DOCK9: variants seen among roughly 807,000 people sequenced by gnomAD.
DOCK9 encodes dedicator of cytokinesis 9.
A neutral mutation model predicts 263.3 loss-of-function variants in DOCK9; 89 were observed. That is an observed-to-expected ratio of 0.34 (90% CI 0.28 to 0.40). The LOEUF (loss-of-function observed/expected upper bound fraction) is 0.40, where lower values mean the gene tolerates loss of function less well. Ranked by LOEUF, DOCK9 falls within the 10% of genes least tolerant of loss-of-function variation. The pLI is 1.00. For missense variants in DOCK9, 2,140 were observed against 2,603.4 expected, an observed-to-expected ratio of 0.82 and a Z score of 3.87; for synonymous variants, 976 against 973.1, an observed-to-expected ratio of 1.00 and a Z score of -0.06.
intron 7 of DOCK9, among the ~76,000 whole-genome samples, chr13:98,918,963 G>A (rs1316367949): frequency 6.6e-6 from 1 of 152,158 alleles, no homozygotes; most frequent in Non-Finnish European, 1.5e-5. Context: ...ACCAGCACAG[G>A]AAATCATGCA....
intron 7 of DOCK9, among the ~76,000 whole-genome samples, chr13:98,919,625 G>A (rs778315640): frequency 6.6e-6 from 1 of 152,212 alleles, no homozygotes; most frequent in Non-Finnish European, 1.5e-5. Context: ...TCTTTTGTGA[G>A]GGGTTGTTAG....
At chr13:98,992,901 AG>A (rs1169204710) in intron 1 of DOCK9, among the ~76,000 whole-genome samples, 1 of 152,240 alleles carries the variant, frequency 6.6e-6, no homozygotes, top group Non-Finnish European at 1.5e-5. Flanking sequence ...GTTCTGAAGC[AG>A]TGAAGAGAGT....
chr13:98,849,028 T>G (rs1288965379), intron 36 of DOCK9, among the ~76,000 whole-genome samples: 2 of 152,216 alleles, frequency 1.3e-5, no homozygotes, highest in Non-Finnish European at 2.9e-5. Flanking sequence ...CATTTACATC[T>G]ATATAAGGAG....
chr13:99,015,466 A>G, intron 1 of DOCK9: 1 of 1,595,918 alleles, frequency 6.3e-7, no homozygotes. Context: ...GGAGATCAAT[A>G]GTTCTGAATC....
chr13:98,998,497 T>C (rs1215018431), intron 1 of DOCK9, among the ~76,000 whole-genome samples: 1 of 152,004 alleles, frequency 6.6e-6, no homozygotes, highest in East Asian at 1.9e-4. Flanking sequence ...CCGGGCAGAG[T>C]CTCACACCAA....
At chr13:98,973,339 G>T (rs1268033438) in intron 1 of DOCK9, among the ~76,000 whole-genome samples, 1 of 152,122 alleles carries the variant, frequency 6.6e-6, no homozygotes, top group Non-Finnish European at 1.5e-5. Flanking sequence ...GAACTTCAGG[G>T]ATAGGAAAGA....
At chr13:99,067,886 T>A (rs911844188) in intron 1 of DOCK9, among the ~76,000 whole-genome samples, 9 of 150,700 alleles carry the variant, frequency 6.0e-5, no homozygotes, top group South Asian at 2.1e-4. Flanking sequence ...TTTTTTTTTT[T>A]AAATGTCTAA....
chr13:98,924,972 C>T (rs2140156668), intron 4 of DOCK9, among the ~76,000 whole-genome samples: 1 of 152,074 alleles, frequency 6.6e-6, no homozygotes, highest in Admixed American at 6.5e-5. Context: ...CGAGACCAGC[C>T]TGGCCAACAC....
In DOCK9 at chr13:98,882,627, T is replaced by C. The variant is rs573910143; in HGVS notation, c.2559+415A>G. On this transcript the variant is annotated intron_variant, in intron 23 of 52. Transcript: ENST00000682017. ...TTGCACAAAGCTGGGACTGGTTCTGTGCATTATTTCTTTATTTGATTTGTC... is the reference window on the plus strand; with the variant it reads ...TTGCACAAAGCTGGGACTGGTTCTGCGCATTATTTCTTTATTTGATTTGTC... Among the ~76,000 whole-genome samples the C allele has an allele frequency of 1.1e-3, 131 of 115,780 alleles. 1 individual carries two copies. The highest frequency in any genetic ancestry group is 3.5e-3 in the African/African-American group (122 of 34,834). 76.0% of individuals were successfully genotyped at this position (115,780 alleles called of 152,430 possible). A position where few individuals can be genotyped will look rare whatever the true frequency, so the allele number is the denominator to read the frequency against.
At chr13:99,050,939 C>T (rs779003091) in intron 1 of DOCK9, among the ~76,000 whole-genome samples, 91 of 152,282 alleles carry the variant, frequency 6.0e-4, no homozygotes, top group Admixed American at 1.0e-3. Flanking sequence ...GCTGCCAGGA[C>T]GTAAGGCCAA....
chr13:98,828,941 G>A (rs2092653308), intron 43 of DOCK9, among the ~76,000 whole-genome samples: 1 of 152,136 alleles, frequency 6.6e-6, no homozygotes, highest in South Asian at 2.1e-4. Context: ...ACCCTACAGA[G>A]GAGAAAGCAA....
chr13:99,034,718 T>C (rs1019140700), intron 1 of DOCK9, among the ~76,000 whole-genome samples: 1 of 152,210 alleles, frequency 6.6e-6, no homozygotes, highest in Non-Finnish European at 1.5e-5. Context: ...TTCCTTAATC[T>C]TCAAATTTCT....
intron 9 of DOCK9, among the ~76,000 whole-genome samples, chr13:98,912,333 G>T (rs956193410): frequency 6.6e-6 from 1 of 152,164 alleles, no homozygotes; most frequent in African/African-American, 2.4e-5. Context: ...TAGCCTGAGG[G>T]CTGCTTATAT....
At chr13:98,894,220 G>A (rs1314197363) in intron 15 of DOCK9, among the ~76,000 whole-genome samples, 1 of 152,164 alleles carries the variant, frequency 6.6e-6, no homozygotes, top group Non-Finnish European at 1.5e-5. Flanking sequence ...CTGAGACAGG[G>A]CTCCAACCTC....
chr13:98,950,540 C>T, intron 2 of DOCK9: 1 of 344,328 alleles, frequency 2.9e-6, no homozygotes, highest in Non-Finnish European at 5.2e-6. Context: ...TAGGCTTAAG[C>T]AATCCTCCCA....
chr13:99,077,580 C>T (rs887155458), intron 1 of DOCK9, among the ~76,000 whole-genome samples: 5 of 152,100 alleles, frequency 3.3e-5, no homozygotes, highest in African/African-American at 9.7e-5. Context: ...TATTGCAGTG[C>T]AAAAATGGAC....
chr13:98,927,568 C>T (rs1266034421), intron 3 of DOCK9, among the ~76,000 whole-genome samples: 1 of 152,098 alleles, frequency 6.6e-6, no homozygotes, highest in Non-Finnish European at 1.5e-5. Context: ...AATAAACCAG[C>T]ATAAATTTGT....
chr13:98,960,313 G>C lies in DOCK9; in HGVS notation c.127-4762C>G, dbSNP rs542005082. Among the ~76,000 whole-genome samples, 6 of 152,278 alleles carry C rather than the reference G, an allele frequency of 3.9e-5. No homozygotes were observed. In the South Asian group the frequency reaches 1.2e-3, roughly 32 times the overall value. ...CTGAGAATTCATGAGTTTGAATTGTGAATATTTCAGGATACTATTTTTCCC... is the reference window on the plus strand; with the variant it reads ...CTGAGAATTCATGAGTTTGAATTGTCAATATTTCAGGATACTATTTTTCCC... On this transcript the variant is annotated intron_variant, in intron 1 of 52. Coordinates refer to ENST00000682017, the MANE Select transcript of DOCK9 (RefSeq NM_001366683.2).
intron 9 of DOCK9, among the ~76,000 whole-genome samples, chr13:98,907,758 C>T (rs556651237): frequency 6.6e-6 from 1 of 152,204 alleles, no homozygotes; most frequent in Admixed American, 6.5e-5. Flanking sequence ...CAGAGGATGC[C>T]CAACAGTGGC....
Sources: gnomAD v4.1 joint callset for allele counts (sites outside exome capture counted in the v4.1 genomes callset) on GRCh38, gnomAD v4.1.1 for gene constraint, MANE v1.5 for transcripts, NCBI Gene and HGNC (gene_info 2026-07-23, HGNC 2026-07-21) for gene names.